Variants in ZSCAN2 observed in about 807,000 individuals in gnomAD.
ZSCAN2 encodes zinc finger and SCAN domain-containing protein 2.
In ZSCAN2, 26 loss-of-function variants were observed where a neutral mutation model predicts 47.8. That is an observed-to-expected ratio of 0.54 (90% CI 0.40 to 0.75). The LOEUF (loss-of-function observed/expected upper bound fraction) is 0.75, where lower values mean the gene tolerates loss of function less well. Among genes scored for constraint, ZSCAN2 ranks in the 30% least tolerant of loss-of-function variants. The pLI is 0.00. For missense variants in ZSCAN2, 732 were observed against 785.4 expected (o/e 0.93, Z 0.81); for synonymous variants, 305 against 288.7 (o/e 1.06, Z -0.57).
At chr15:84,610,688 T>C (rs369373618) in intron 2 of ZSCAN2, among the ~76,000 whole-genome samples, 1 of 152,056 alleles carries the variant, frequency 6.6e-6, no homozygotes, top group African/African-American at 2.4e-5. Flanking sequence ...GGTTTCACCA[T>C]GTTGGTCAGG....
chr15:84,601,411 C>T (rs1895199194), intron 1 of ZSCAN2, among the ~76,000 whole-genome samples: 1 of 152,118 alleles, frequency 6.6e-6, no homozygotes, highest in African/African-American at 2.4e-5. Context: ...TCCCGCGCAG[C>T]GTACACGTTT....
chr15:84,601,291 G>GCGC (rs1178981162), intron 1 of ZSCAN2, 156 bp downstream of exon 1: 1 of 152,242 alleles, frequency 6.6e-6, no homozygotes, highest in African/African-American at 2.4e-5. Context: ...CCCGATTTAC[G>GCGC]CGCCGGCTCC....
chr15:84,606,689 G>C, intron 2 of ZSCAN2: 2 of 1,536,912 alleles, frequency 1.3e-6, no homozygotes, highest in Non-Finnish European at 1.7e-6. Flanking sequence ...TCAGGTCTCA[G>C]CAGGTGTCAG....
chr15:84,604,319 C>A lies in ZSCAN2; in HGVS notation c.392C>A (p.Thr131Asn). ...GCCCTGGTGGAAGACTTGACCCAGA[C>A]CCTTCAGGACAGTGGTGAGACGCAG... The part of the protein sequence containing the change: ...AAALVEDLTQ[T>N]LQDSDFEIQS... The change falls in exon 2 of 3, where the codon ACC becomes AAC. Residue 131 changes from threonine to asparagine, a missense_variant. Thr to Asn is a moderately conservative substitution (Grantham distance 65). Transcript: ENST00000546148. The A allele has an allele frequency of 6.2e-7, 1 of 1,609,858 alleles. No individual in the cohort carries two copies. The highest frequency in any genetic ancestry group is 1.1e-5 in the South Asian group (1 of 90,472).
rs1411637083 is a variant in ZSCAN2, at chr15:84,622,087, C to T, written c.*47C>T. 5.5e-6 allele frequency: 8 copies of T among 1,465,930 alleles called. No homozygotes were observed. Among genetic ancestry groups the T allele is most frequent in the Non-Finnish European group, 5.6e-6 (6 of 1,075,090 alleles). The allele number at this position is 1,465,930 out of a possible 1,614,324, so 90.8% of individuals were successfully genotyped here. A position where few individuals can be genotyped will look rare whatever the true frequency, so the allele number is the denominator to read the frequency against. ...GGGACTGGCCTGGAGTGGGAGTTGCCACACTGCCCCAACAGTGATTCCCTT... is the reference window on the plus strand; with the variant it reads ...GGGACTGGCCTGGAGTGGGAGTTGCTACACTGCCCCAACAGTGATTCCCTT... On this transcript the variant is annotated 3_prime_UTR_variant, in exon 3 of 3. Coordinates refer to ENST00000546148, the MANE Select transcript of ZSCAN2 (RefSeq NM_181877.4).
Position 84,622,778 on chromosome 15 carries a change from T to A in ZSCAN2, c.*738T>A. 1 of 690,166 alleles carries A rather than the reference T, an allele frequency of 1.4e-6. No individual in the cohort carries two copies. Among genetic ancestry groups the A allele is most frequent in the Non-Finnish European group, 2.7e-6 (1 of 373,080 alleles). 42.8% of individuals were successfully genotyped at this position (690,166 alleles called of 1,614,324 possible). On this transcript the variant is annotated 3_prime_UTR_variant, in exon 3 of 3. Transcript: ENST00000546148. Reference sequence around the variant, plus strand: ...GAGGACATTTCAGTGCTTGCTTTTGTCTCTGCCTACTGTCCTGTGGTAGAT... The same window carrying A: ...GAGGACATTTCAGTGCTTGCTTTTGACTCTGCCTACTGTCCTGTGGTAGAT...
intron 1 of ZSCAN2, among the ~76,000 whole-genome samples, chr15:84,603,368 CTTTT>C (rs530895051): frequency 1.5e-5 from 2 of 135,774 alleles, no homozygotes. Flanking sequence ...GCTTGGGATA[CTTTT>C]TTTTTTTTTT....
intron 2 of ZSCAN2, among the ~76,000 whole-genome samples, chr15:84,613,214 G>A (rs2141780993): frequency 6.6e-6 from 1 of 152,182 alleles, no homozygotes; most frequent in South Asian, 2.1e-4. Context: ...TGTTCCACTT[G>A]TATTAAATTC....
At chr15:84,612,521 T>A (rs1253232879) in intron 2 of ZSCAN2, among the ~76,000 whole-genome samples, 1 of 152,114 alleles carries the variant, frequency 6.6e-6, no homozygotes, top group Non-Finnish European at 1.5e-5. Context: ...GATCACGAGG[T>A]CAGGAGATCG....
At chr15:84,618,092 TTAAA>T (rs1449099497) in intron 2 of ZSCAN2, among the ~76,000 whole-genome samples, 5 of 152,164 alleles carry the variant, frequency 3.3e-5, no homozygotes, top group East Asian at 1.9e-4. Flanking sequence ...GCATCTAACC[TTAAA>T]TAAAGTTTTT....
intron 2 of ZSCAN2, chr15:84,606,267 T>A: frequency 2.3e-6 from 1 of 427,934 alleles, no homozygotes; most frequent in East Asian, 5.2e-5. Flanking sequence ...GACCCAGCCC[T>A]GCCCTGGGCA....
At position 84,622,529 on chromosome 15, in the gene ZSCAN2, CAGTT is replaced by C; in HGVS notation, c.*492_*495del. 1.4e-6 allele frequency: 1 copy of C among 690,650 alleles called. No individual in the cohort carries two copies. The highest frequency in any genetic ancestry group is 2.7e-6 in the Non-Finnish European group (1 of 371,702). The allele number at this position is 690,650 out of a possible 1,614,324, so 42.8% of individuals were successfully genotyped here. On this transcript the variant is annotated 3_prime_UTR_variant, in exon 3 of 3. Coordinates refer to ENST00000546148, the MANE Select transcript of ZSCAN2 (RefSeq NM_181877.4). ...AGTGTTCCAGGGCACCCCAAGCTGT[CAGTT>C]AGAATCTGCTCTTCTGGCTTTGGTG...
intron 2 of ZSCAN2, among the ~76,000 whole-genome samples, chr15:84,618,628 C>G (rs1008315732): frequency 6.6e-6 from 1 of 150,830 alleles, no homozygotes; most frequent in East Asian, 2.0e-4. Flanking sequence ...GTGGCGTGAT[C>G]TTGGCTCACC....
chr15:84,602,587 C>CTTTTTTTTTTTT (rs981357914), intron 1 of ZSCAN2, among the ~76,000 whole-genome samples: 17 of 115,726 alleles, frequency 1.5e-4, no homozygotes, highest in Admixed American at 2.0e-4. Context: ...CTTTTCTTTT[C>CTTTTTTTTTTTT]TTTTTTTTTT....
At position 84,621,374 on chromosome 15, in the gene ZSCAN2, C is replaced by T. The variant is rs780871599; in HGVS notation, c.1179C>T (p.Thr393=). The T allele has an allele frequency of 2.4e-5, 39 of 1,613,888 alleles. No individual in the cohort carries two copies. Among genetic ancestry groups the T allele is most frequent in the South Asian group, 7.7e-5 (7 of 91,082 alleles). Reference sequence around the variant, plus strand: ...CAGGAGAGAAACCCTACAAATGTACCGACTGTGGGCAGAGGTTCAGCCAGA... The same window carrying T: ...CAGGAGAGAAACCCTACAAATGTACTGACTGTGGGCAGAGGTTCAGCCAGA... The part of the protein sequence containing the change: ...IHTGEKPYKC[T]DCGQRFSQSS... Residue 393 remains threonine, a synonymous_variant, in exon 3 of 3, where the codon ACC becomes ACT. Coordinates refer to ENST00000546148, the MANE Select transcript of ZSCAN2 (RefSeq NM_181877.4). The surrounding 1 kb of genome is among the most constrained non-coding windows in gnomAD (Gnocchi z 5.7).
In ZSCAN2 at chr15:84,620,734, G is replaced by A. The variant is rs763083577; in HGVS notation, c.539G>A (p.Arg180Lys). The A allele has an allele frequency of 1.2e-6, 2 of 1,614,124 alleles. No individual in the cohort carries two copies. Among genetic ancestry groups the A allele is most frequent in the African/African-American group, 2.7e-5 (2 of 74,940 alleles). ...TCCGATGGGGAAAGTGACTTTGAGA[G>A]AGATGCTGGCATCCAGAGGCTCCAG... ...QHSDGESDFE[R>K]DAGIQRLQGH... The change falls in exon 3 of 3, where the codon AGA becomes AAA. Residue 180 changes from arginine to lysine, a missense_variant. By Grantham distance (26) the Arg-to-Lys change is conservative. Around this residue, in one of 2 missense-constraint regions of ZSCAN2, gnomAD observed 320 missense variants for 287.4 expected, o/e 1.11. Transcript: ENST00000546148.
Position 84,620,728 on chromosome 15 carries a change from TTG to T in ZSCAN2, c.534_535del (p.Phe178LeufsTer16). The T allele has an allele frequency of 6.2e-7, 1 of 1,614,188 alleles. No homozygotes were observed. Among genetic ancestry groups the T allele is most frequent in the Non-Finnish European group, 8.5e-7 (1 of 1,180,030 alleles). On this transcript the variant is annotated frameshift_variant, in exon 3 of 3. Transcript: ENST00000546148. LOFTEE classifies it high-confidence loss of function. ...CAGCACTCCGATGGGGAAAGTGACT[TTG>T]AGAGAGATGCTGGCATCCAGAGGCT...
At chr15:84,617,976 TTGAC>T (rs1895733450) in intron 2 of ZSCAN2, among the ~76,000 whole-genome samples, 1 of 152,162 alleles carries the variant, frequency 6.6e-6, no homozygotes, top group African/African-American at 2.4e-5. Flanking sequence ...TGATCTTAAA[TTGAC>T]TGAAGGCAAG....
chr15:84,617,911 G>A (rs1157902053), intron 2 of ZSCAN2, among the ~76,000 whole-genome samples: 2 of 152,096 alleles, frequency 1.3e-5, no homozygotes, highest in African/African-American at 2.4e-5. Context: ...CTGTACTACC[G>A]CCTCGGTGAC....
Sources: gnomAD v4.1 joint callset for allele counts (sites outside exome capture counted in the v4.1 genomes callset) on GRCh38, gnomAD v4.1.1 for gene constraint, gnomAD v4.1.1 regional missense constraint, Gnocchi (gnomAD v3.1) non-coding constraint, MANE v1.5 for transcripts, NCBI Gene and HGNC (gene_info 2026-07-23, HGNC 2026-07-21) for gene names.